The following HECW1 variants were observed in gnomAD, a reference collection of about 807,000 sequenced individuals.
The protein encoded by HECW1 is HECT, C2 and WW domain containing E3 ubiquitin protein ligase 1, also known as E3 ubiquitin-protein ligase HECW1.
Under a neutral mutation model 182.3 loss-of-function variants are expected in HECW1, and 61 were observed. That is an observed-to-expected ratio of 0.33 (90% confidence interval 0.27 to 0.41). The LOEUF is 0.41. Among genes scored for constraint, HECW1 ranks in the 10% least tolerant of loss-of-function variants. The pLI is 1.00. For missense variants in HECW1, 1,739 were observed against 2,108.9 expected (o/e 0.82, Z 3.44); for synonymous variants, 859 against 832.6 (o/e 1.03, Z -0.55).
At chr7:43,465,926 A>AGAAGAAAG (rs1343628893) in intron 14 of HECW1, among the ~76,000 whole-genome samples, 5 of 150,038 alleles carry the variant, frequency 3.3e-5, no homozygotes, top group African/African-American at 1.2e-4. Context: ...GAAGAAAGAA[A>AGAAGAAAG]GAAGAAAGGA....
chr7:43,182,032 C>T (rs1792915756), intron 2 of HECW1, among the ~76,000 whole-genome samples: 1 of 152,084 alleles, frequency 6.6e-6, no homozygotes, highest in Admixed American at 6.5e-5. Flanking sequence ...GATCTACCTG[C>T]CTTGGCCTCC....
At chr7:43,387,017 G>C (rs2074827671) in intron 6 of HECW1, among the ~76,000 whole-genome samples, 1 of 152,184 alleles carries the variant, frequency 6.6e-6, no homozygotes, top group African/African-American at 2.4e-5. Flanking sequence ...ATTTCAAATA[G>C]AGTCTGGATG....
chr7:43,426,872 G>C (rs139724707), intron 8 of HECW1, among the ~76,000 whole-genome samples: 47 of 151,720 alleles, frequency 3.1e-4, no homozygotes, highest in African/African-American at 1.1e-3. Flanking sequence ...TTTATTTTCA[G>C]AATGTTTTCA....
At chr7:43,145,929 T>C (rs1033721499) in intron 2 of HECW1, among the ~76,000 whole-genome samples, 28 of 152,192 alleles carry the variant, frequency 1.8e-4, no homozygotes, top group African/African-American at 6.5e-4. Flanking sequence ...TGGTTTTTGC[T>C]CCTTCCTTCC....
intron 8 of HECW1, among the ~76,000 whole-genome samples, chr7:43,411,396 C>T (rs1425008742): frequency 6.6e-6 from 1 of 152,018 alleles, no homozygotes. Context: ...TTTTACAGTC[C>T]AGCATATGAT....
Position 43,562,570 on chromosome 7 carries a change from G to A in HECW1, c.*644G>A, listed in dbSNP as rs1038925401. The A allele has an allele frequency of 3.5e-5, 8 of 227,718 alleles. No individual in the cohort carries two copies. Among genetic ancestry groups the A allele is most frequent in the Admixed American group, 1.7e-4 (3 of 17,554 alleles). The allele number at this position is 227,718 out of a possible 1,614,324, so 14.1% of individuals were successfully genotyped here. Reference sequence around the variant, plus strand: ...ACGGTGCAAATATGACACTTCTAACGATTAACAACAGCAAGAAAACACCTG... The same window carrying A: ...ACGGTGCAAATATGACACTTCTAACAATTAACAACAGCAAGAAAACACCTG... On this transcript the variant is annotated 3_prime_UTR_variant, in exon 30 of 30. Coordinates refer to ENST00000395891, the MANE Select transcript of HECW1 (RefSeq NM_015052.5).
intron 8 of HECW1, among the ~76,000 whole-genome samples, chr7:43,419,668 T>C (rs930464573): frequency 6.6e-5 from 10 of 152,234 alleles, no homozygotes; most frequent in Admixed American, 6.5e-4. Flanking sequence ...TCATTTATGA[T>C]TTTCAACAAC....
At chr7:43,135,087 T>C (rs1266504543) in intron 2 of HECW1, among the ~76,000 whole-genome samples, 4 of 152,168 alleles carry the variant, frequency 2.6e-5, no homozygotes, top group African/African-American at 7.2e-5. Flanking sequence ...CTCGGGGATG[T>C]TGTTATAGGC....
intron 8 of HECW1, among the ~76,000 whole-genome samples, chr7:43,417,123 T>G (rs1028362226): frequency 1.3e-5 from 2 of 152,196 alleles, no homozygotes; most frequent in African/African-American, 4.8e-5. Flanking sequence ...CAATCTCGGC[T>G]CACTGCAACC....
In HECW1 at chr7:43,564,539, C is replaced by T. The variant is rs912152549; in HGVS notation, c.*2613C>T. ...TGATGTCACAGCTATAGATCTATCC[C>T]ACAAAGCATAACAGGAACATTCTTT... On this transcript the variant is annotated 3_prime_UTR_variant, in exon 30 of 30. Transcript: ENST00000395891. 2 of 188,724 alleles carry T rather than the reference C, an allele frequency of 1.1e-5. No homozygotes were observed. Among genetic ancestry groups the T allele is most frequent in the African/African-American group, 4.7e-5 (2 of 42,856 alleles). 11.7% of individuals were successfully genotyped at this position (188,724 alleles called of 1,614,324 possible).
At position 43,493,174 on chromosome 7, in the gene HECW1, C is replaced by T. The variant is rs1420292740; in HGVS notation, c.3431C>T (p.Thr1144Ile). The T allele has an allele frequency of 6.2e-7, 1 of 1,611,128 alleles. No homozygotes were observed. Reference protein sequence around the residue: ...ERQPSLARNHTLREKIHYIRT... With the variant: ...ERQPSLARNHILREKIHYIRT... ...CAGCCAAGCTTAGCAAGAAACCACA[C>T]ACTCAGGTAAGCCTCGCCCCTCACT... The change falls in exon 19 of 30, where the codon ACA becomes ATA. Residue 1144 changes from threonine to isoleucine, a missense_variant. Physicochemically the swap from Thr to Ile is moderately conservative, Grantham distance 89. This residue lies in a region of HECW1 where 971 missense variants were observed against 1,029.1 expected (regional missense o/e 0.94). Transcript: ENST00000395891.
At chr7:43,454,962 G>T (rs751312546) in intron 12 of HECW1, among the ~76,000 whole-genome samples, 4 of 152,066 alleles carry the variant, frequency 2.6e-5, no homozygotes, top group Admixed American at 6.5e-5. Context: ...AATGTGATAT[G>T]TGGACTCTAA....
chr7:43,127,058 T>C (rs945560432), intron 2 of HECW1, among the ~76,000 whole-genome samples: 2 of 152,176 alleles, frequency 1.3e-5, no homozygotes, highest in Admixed American at 1.3e-4. Flanking sequence ...TGTCTCTCAC[T>C]TGATATCAAA....
chr7:43,311,777 C>T lies in HECW1; in HGVS notation c.42C>T (p.Asn14=). The T allele has an allele frequency of 1.2e-6, 2 of 1,613,914 alleles. No individual in the cohort carries two copies. Among genetic ancestry groups the T allele is most frequent in the Non-Finnish European group, 1.7e-6 (2 of 1,179,882 alleles). The part of the protein sequence containing the change: ...HLCSVKNLYQ[N]RFLGLAAMAS... ...TGCTCCCACAGAATCTGTACCAGAA[C>T]AGGTTTTTAGGCCTGGCCGCCATGG... Residue 14 remains asparagine (N), a synonymous_variant, in exon 4 of 30, where the codon AAC becomes AAT. Coordinates refer to ENST00000395891, the MANE Select transcript of HECW1 (RefSeq NM_015052.5).
chr7:43,152,405 T>C (rs1426812064), intron 2 of HECW1, among the ~76,000 whole-genome samples: 1 of 152,218 alleles, frequency 6.6e-6, no homozygotes, highest in East Asian at 1.9e-4. Context: ...GAGGCATAAA[T>C]TAATAAAATC....
chr7:43,327,247 A>G (rs1000955884), intron 5 of HECW1, among the ~76,000 whole-genome samples: 2 of 152,216 alleles, frequency 1.3e-5, no homozygotes, highest in African/African-American at 4.8e-5. Context: ...TCTGTTAGGA[A>G]AAAGTATGAC....
intron 6 of HECW1, among the ~76,000 whole-genome samples, chr7:43,390,557 AAAC>A (rs2074987668): frequency 6.6e-6 from 1 of 151,792 alleles, no homozygotes; most frequent in Non-Finnish European, 1.5e-5. Context: ...AACAAAAAAA[AAAC>A]AGCAGAGTTG....
At chr7:43,310,532 T>TG (rs1283668116) in intron 3 of HECW1, among the ~76,000 whole-genome samples, 1 of 152,148 alleles carries the variant, frequency 6.6e-6, no homozygotes, top group East Asian at 1.9e-4. Context: ...GAGACACAGA[T>TG]GAGTGAAAGG....
At chr7:43,211,532 C>T (rs1280443963) in intron 2 of HECW1, among the ~76,000 whole-genome samples, 1 of 152,116 alleles carries the variant, frequency 6.6e-6, no homozygotes, top group Non-Finnish European at 1.5e-5. Flanking sequence ...GCATGATTCC[C>T]AGGGGTGAAA....
Sources: gnomAD v4.1 joint callset for allele counts (sites outside exome capture counted in the v4.1 genomes callset) on GRCh38, gnomAD v4.1.1 for gene constraint, gnomAD v4.1.1 regional missense constraint, MANE v1.5 for transcripts, NCBI Gene and HGNC (gene_info 2026-07-23, HGNC 2026-07-21) for gene names.